The following ANO1 variants were observed in gnomAD, a reference collection of about 807,000 sequenced individuals.
The protein encoded by ANO1 is anoctamin 1.
A neutral mutation model predicts 124.0 loss-of-function variants in ANO1; 59 were observed. The ratio of observed to expected loss-of-function variants is 0.48; its 90% CI spans 0.39 to 0.59. ANO1 has a LOEUF of 0.59. Ranked by LOEUF, ANO1 falls within the 20% of genes least tolerant of loss-of-function variation. The pLI, the probability that ANO1 is intolerant of heterozygous loss-of-function variation, is 0.00. For synonymous variants in ANO1, 529 were observed against 532.0 expected, an observed-to-expected ratio of 0.99 and a Z score of 0.08; for missense variants, 1,059 against 1,328.0, an observed-to-expected ratio of 0.80 and a Z score of 3.15.
chr11:70,155,563 C>A (rs1331521240), intron 14 of ANO1, among the ~76,000 whole-genome samples: 1 of 152,220 alleles, frequency 6.6e-6, no homozygotes, highest in African/African-American at 2.4e-5. Flanking sequence ...TTCCTTCTTG[C>A]TGTCATAAGA....
chr11:70,155,879 C>T, intron 14 of ANO1, 32 bp from the exon 15 acceptor site: 3 of 1,528,192 alleles, frequency 2.0e-6, no homozygotes, highest in Non-Finnish European at 2.6e-6. Flanking sequence ...CACTTCACCG[C>T]ACGGTGCTCT....
At chr11:70,132,997 G>T (rs1175457416) in intron 11 of ANO1, among the ~76,000 whole-genome samples, 1 of 152,200 alleles carries the variant, frequency 6.6e-6, no homozygotes, top group African/African-American at 2.4e-5. Context: ...GAGTTGACAT[G>T]GGTGTGGGGG....
chr11:69,970,856 A>G, the ANO1 span, among the ~76,000 whole-genome samples: 1 of 152,190 alleles, frequency 6.6e-6, no homozygotes, highest in Non-Finnish European at 1.5e-5. Flanking sequence ...ACGGATATCC[A>G]CCTTGTGGCC....
chr11:70,138,865 G>C (rs1044885702), intron 11 of ANO1, among the ~76,000 whole-genome samples: 1 of 151,982 alleles, frequency 6.6e-6, no homozygotes, highest in African/African-American at 2.4e-5. Flanking sequence ...TGGTGTACAG[G>C]TTATTTTGTC....
At chr11:69,981,935 A>G (rs782549787), upstream of ANO1, among the ~76,000 whole-genome samples, 7 of 152,254 alleles carry the variant, frequency 4.6e-5, no homozygotes, top group Non-Finnish European at 8.8e-5. Context: ...GACACGAAAG[A>G]CCATGTAATG....
intron 18 of ANO1, 77 bp from the exon 19 acceptor site, chr11:70,163,206 A>G (rs1282660677): frequency 1.3e-5 from 20 of 1,499,624 alleles, no homozygotes; most frequent in Admixed American, 3.7e-5. Context: ...CACGCTGCAC[A>G]GTCCCCACTT....
At chr11:69,981,195 A>G (rs782395866), upstream of ANO1, among the ~76,000 whole-genome samples, 2 of 152,210 alleles carry the variant, frequency 1.3e-5, no homozygotes, top group African/African-American at 2.4e-5. Context: ...ATTTTGGGAA[A>G]CGCTGTGTTT....
chr11:70,079,747 C>T (rs2044148418), intron 1 of ANO1, among the ~76,000 whole-genome samples: 1 of 152,220 alleles, frequency 6.6e-6, no homozygotes, highest in Admixed American at 6.5e-5. Context: ...CCTGGCCTGT[C>T]CCTCTAGTCT....
intron 7 of ANO1, among the ~76,000 whole-genome samples, chr11:70,113,394 A>G (rs1286575000): frequency 1.3e-5 from 2 of 152,132 alleles, no homozygotes; most frequent in Admixed American, 6.5e-5. Flanking sequence ...GGGAGGTTTC[A>G]AGGGCAGAGT....
In ANO1 at chr11:70,187,940, A is replaced by G. The variant is rs1303129614; in HGVS notation, c.2897A>G (p.Lys966Arg). The change falls in exon 26 of 26, where the codon AAA becomes AGA. Residue 966 changes from lysine (K) to arginine (R), a missense_variant. Physicochemically the swap from Lys to Arg is conservative, Grantham distance 26 (BLOSUM62 2). Coordinates refer to ENST00000355303, the MANE Select transcript of ANO1 (RefSeq NM_018043.7). ...DEPPCNHHNTKACPDSLGSPA... is the reference protein window; with the variant it reads ...DEPPCNHHNTRACPDSLGSPA... ...CCGCCGTGCAACCACCACAACACCAAAGCCTGCCCAGACAGCCTCGGCAGC... is the reference window on the plus strand; with the variant it reads ...CCGCCGTGCAACCACCACAACACCAGAGCCTGCCCAGACAGCCTCGGCAGC... 1.3e-6 allele frequency: 2 copies of G among 1,581,770 alleles called. No individual in the cohort carries two copies. The highest frequency in any genetic ancestry group is 2.3e-5 in the South Asian group (2 of 86,630).
At position 70,189,405 on chromosome 11, in the gene ANO1, T is replaced by C. The variant is rs1590959078; in HGVS notation, c.*1401T>C. On this transcript the variant is annotated 3_prime_UTR_variant, in exon 26 of 26. Coordinates refer to ENST00000355303, the MANE Select transcript of ANO1 (RefSeq NM_018043.7). Reference sequence around the variant, plus strand: ...TGAAGTGGGTTTTGTATATAAATACTGTATTAAAAATTAGGCAATTACCAA... The same window carrying C: ...TGAAGTGGGTTTTGTATATAAATACCGTATTAAAAATTAGGCAATTACCAA... 1 of 152,692 alleles carries C rather than the reference T, an allele frequency of 6.5e-6. No homozygotes were observed. Among genetic ancestry groups the C allele is most frequent in the Non-Finnish European group, 1.5e-5 (1 of 68,044 alleles). The allele number at this position is 152,692 out of a possible 1,614,324, so 9.5% of individuals were successfully genotyped here. A position where few individuals can be genotyped will look rare whatever the true frequency, so the allele number is the denominator to read the frequency against.
At chr11:69,984,364 G>GTCCA (rs1855987215), upstream of ANO1, among the ~76,000 whole-genome samples, 1 of 3,854 alleles carries the variant, frequency 2.6e-4, no homozygotes, top group African/African-American at 3.8e-4. Flanking sequence ...GCCTGTGTGG[G>GTCCA]ATTTTGAGTC....
At chr11:70,101,585 C>CAAAAAAAAAAA (rs71463659) in intron 2 of ANO1, among the ~76,000 whole-genome samples, 1 of 75,894 alleles carries the variant, frequency 1.3e-5, no homozygotes, top group Non-Finnish European at 2.4e-5. Context: ...GATTAAAAAC[C>CAAAAAAAAAAA]AAAAAAAAAA....
chr11:70,032,045 C>T (rs1255793715), intron 1 of ANO1, among the ~76,000 whole-genome samples: 1 of 152,222 alleles, frequency 6.6e-6, no homozygotes, highest in Non-Finnish European at 1.5e-5. Context: ...GTGCCAGACA[C>T]TCAGGGAGAG....
chr11:70,012,447 CATCT>C (rs1463104800), intron 1 of ANO1, among the ~76,000 whole-genome samples: 21 of 150,300 alleles, frequency 1.4e-4, no homozygotes, highest in South Asian at 4.3e-4. Flanking sequence ...TCCATTCATT[CATCT>C]ATCTATTTGT....
Position 70,188,971 on chromosome 11 carries a change from A to G in ANO1, c.*967A>G, listed in dbSNP as rs975695810. On this transcript the variant is annotated 3_prime_UTR_variant, in exon 26 of 26. Transcript: ENST00000355303. ...GTGGAGGGAGTTTATTAGTTAACCA[A>G]ATATCGTTGAGAGGAATTTAAAATA... 6.6e-6 allele frequency: 1 copy of G among 152,408 alleles called. No individual in the cohort carries two copies. Among genetic ancestry groups the G allele is most frequent in the Non-Finnish European group, 1.5e-5 (1 of 67,994 alleles). The allele number at this position is 152,408 out of a possible 1,614,324, so 9.4% of individuals were successfully genotyped here. A position where few individuals can be genotyped will look rare whatever the true frequency, so the allele number is the denominator to read the frequency against.
chr11:70,125,727 C>G (rs1367026535), intron 9 of ANO1, among the ~76,000 whole-genome samples: 1 of 151,036 alleles, frequency 6.6e-6, no homozygotes, highest in Non-Finnish European at 1.5e-5. Context: ...TCCTGTAGTC[C>G]CAGCTACTCG....
At chr11:70,107,249 C>T (rs139609455) in intron 5 of ANO1, among the ~76,000 whole-genome samples, 98 of 152,174 alleles carry the variant, frequency 6.4e-4, no homozygotes, top group Middle Eastern at 3.4e-3. Context: ...GCACTGAGGA[C>T]ATTTATAATC....
intron 2 of ANO1, among the ~76,000 whole-genome samples, chr11:70,098,350 G>A (rs139889936): frequency 2.1e-3 from 314 of 152,318 alleles, no homozygotes; most frequent in South Asian, 0.014. Flanking sequence ...CCAGTGGCCT[G>A]GACTGCTGTG....
Sources: gnomAD v4.1 joint callset for allele counts (sites outside exome capture counted in the v4.1 genomes callset) on GRCh38, gnomAD v4.1.1 for gene constraint, MANE v1.5 for transcripts, NCBI Gene and HGNC (gene_info 2026-07-23, HGNC 2026-07-21) for gene names.